The following DISC1 variants were observed in gnomAD, a reference collection of about 807,000 sequenced individuals.
The protein encoded by DISC1 is DISC1 scaffold protein.
A neutral mutation model predicts 84.5 loss-of-function variants in DISC1; 57 were observed. The observed-to-expected ratio is 0.67, with a 90% CI of 0.55 to 0.84. The LOEUF (loss-of-function observed/expected upper bound fraction) is 0.84. DISC1 is among the 40% of genes least tolerant of loss of function. The pLI, the probability that DISC1 is intolerant of heterozygous loss-of-function variation, is 0.00. For missense variants in DISC1, 1,000 were observed against 1,057.8 expected, an observed-to-expected ratio of 0.95 and a Z score of 0.76; for synonymous variants, 411 against 415.2, an observed-to-expected ratio of 0.99 and a Z score of 0.12.
intron 9 of DISC1, among the ~76,000 whole-genome samples, chr1:231,850,388 A>G (rs983943246): frequency 6.6e-6 from 1 of 152,250 alleles, no homozygotes; most frequent in African/African-American, 2.4e-5. Flanking sequence ...TTTGAAAGAC[A>G]TGTCTGTCTG....
intron 1 of DISC1, among the ~76,000 whole-genome samples, chr1:231,690,640 G>A (rs2064884531): frequency 6.6e-6 from 1 of 152,140 alleles, no homozygotes; most frequent in Non-Finnish European, 1.5e-5. Flanking sequence ...TGGTCACAGG[G>A]GATGTCATAA....
At chr1:231,720,989 A>G (rs2069596208) in intron 3 of DISC1, 21 of 1,290,858 alleles carry the variant, frequency 1.6e-5, no homozygotes, top group Non-Finnish European at 2.1e-5. Context: ...GGTGAACAGC[A>G]ACTGTGGATA....
intron 9 of DISC1, among the ~76,000 whole-genome samples, chr1:231,863,959 C>T (rs564242559): frequency 2.0e-5 from 3 of 152,252 alleles, no homozygotes; most frequent in African/African-American, 7.2e-5. Context: ...GCCCTTTGCT[C>T]TTGCACTGGG....
intron 9 of DISC1, among the ~76,000 whole-genome samples, chr1:231,868,812 G>A (rs530983808): frequency 6.7e-6 from 1 of 149,120 alleles, no homozygotes; most frequent in Non-Finnish European, 1.5e-5. Flanking sequence ...TCAAGCTCAG[G>A]AGTTTGAGGC....
chr1:232,012,039 A>G (rs1572630436), intron 11 of DISC1, among the ~76,000 whole-genome samples: 1 of 152,350 alleles, frequency 6.6e-6, no homozygotes, highest in Non-Finnish European at 1.5e-5. Flanking sequence ...AAAAGGATGC[A>G]TCACGAAGTG....
At position 231,961,372 on chromosome 1, in the gene DISC1, C is replaced by A. The variant is rs76029479; in HGVS notation, c.2042+2484C>A. Among the ~76,000 whole-genome samples, 582 of 152,220 alleles carry A rather than the reference C, an allele frequency of 3.8e-3. 5 individuals are homozygous for A. Among genetic ancestry groups the A allele is most frequent in the African/African-American group, 0.013 (556 of 41,522 alleles). On this transcript the variant is annotated intron_variant, in intron 10 of 12. Coordinates refer to ENST00000439617, the MANE Select transcript of DISC1 (RefSeq NM_018662.3). ...GGTAGGTCAGAGAATTTCTTTCCTT[C>A]TTTCTTTTTCATAAGTTCAACTTTT...
At chr1:231,788,129 C>CA (rs1173390601) in intron 6 of DISC1, among the ~76,000 whole-genome samples, 1 of 151,780 alleles carries the variant, frequency 6.6e-6, no homozygotes, top group African/African-American at 2.4e-5. Flanking sequence ...CTAAAAATAC[C>CA]AAAAAAATTA....
chr1:231,724,100 G>T (rs1011005512), intron 3 of DISC1: 5 of 871,612 alleles, frequency 5.7e-6, no homozygotes, highest in Admixed American at 6.2e-5. Flanking sequence ...CCTGCTAATA[G>T]ATTGGACCAG....
intron 9 of DISC1, among the ~76,000 whole-genome samples, chr1:231,915,437 C>T (rs1420386055): frequency 3.3e-5 from 5 of 152,298 alleles, no homozygotes; most frequent in Admixed American, 6.5e-5. Context: ...GCCAGGGCCA[C>T]GGCTAGCTGC....
intron 3 of DISC1, among the ~76,000 whole-genome samples, chr1:231,733,516 ATGG>A (rs1489195588): frequency 2.4e-5 from 2 of 82,022 alleles, no homozygotes; most frequent in African/African-American, 4.1e-5. Context: ...GGTGAGAGTG[ATGG>A]TGGTAGTTGT....
At position 231,880,082 on chromosome 1, in the gene DISC1, C is replaced by A. The variant is rs993510617; in HGVS notation, c.1981+61565C>A. ...AGGTGGTTGGATCATGAGTGCTTTGCTTTTATGAGTGGATTAATCTATTCA... is the reference window on the plus strand; with the variant it reads ...AGGTGGTTGGATCATGAGTGCTTTGATTTTATGAGTGGATTAATCTATTCA... On this transcript the variant is annotated intron_variant, in intron 9 of 12. Transcript: ENST00000439617. Among the ~76,000 whole-genome samples, 34 of 152,152 alleles carry A rather than the reference C, an allele frequency of 2.2e-4. 1 individual carries two copies. The highest frequency in any genetic ancestry group is 2.2e-3 in the Admixed American group (34 of 15,280).
intron 9 of DISC1, among the ~76,000 whole-genome samples, chr1:231,915,472 G>A (rs2089552832): frequency 6.6e-6 from 1 of 152,178 alleles, no homozygotes; most frequent in South Asian, 2.1e-4. Context: ...GATGTATTCT[G>A]GGAAGCTCGG....
chr1:231,709,822 A>C (rs2067575298), intron 3 of DISC1, among the ~76,000 whole-genome samples: 1 of 152,182 alleles, frequency 6.6e-6, no homozygotes, highest in Non-Finnish European at 1.5e-5. Flanking sequence ...GCCTATGAGA[A>C]TCTGTAAGAG....
intron 9 of DISC1, among the ~76,000 whole-genome samples, chr1:231,843,914 C>T (rs2083263000): frequency 6.6e-6 from 1 of 152,088 alleles, no homozygotes; most frequent in South Asian, 2.1e-4. Context: ...TTTGGCTGTT[C>T]TCAGCATATG....
chr1:231,715,396 C>T (rs2068551690), intron 3 of DISC1, among the ~76,000 whole-genome samples: 1 of 152,190 alleles, frequency 6.6e-6, no homozygotes, highest in Non-Finnish European at 1.5e-5. Flanking sequence ...TTCATTTGGT[C>T]AATACAGTCA....
intron 9 of DISC1, among the ~76,000 whole-genome samples, chr1:231,824,018 C>T (rs960530149): frequency 4.6e-5 from 7 of 152,156 alleles, no homozygotes; most frequent in African/African-American, 1.2e-4. Flanking sequence ...AGTTTAAATA[C>T]GGCATCTTCC....
At chr1:231,919,092 A>G (rs982859583) in intron 9 of DISC1, among the ~76,000 whole-genome samples, 12 of 152,192 alleles carry the variant, frequency 7.9e-5, no homozygotes, top group Admixed American at 1.3e-4. Flanking sequence ...GTTTGGTTGC[A>G]CTCAAAGTCT....
At chr1:231,651,058 A>G (rs901837832) in intron 1 of DISC1, among the ~76,000 whole-genome samples, 1 of 152,042 alleles carries the variant, frequency 6.6e-6, no homozygotes, top group South Asian at 2.1e-4. Context: ...TCTGAAGTCT[A>G]CTTGTGTCAG....
chr1:231,817,172 C>T (rs1358619583), intron 8 of DISC1, among the ~76,000 whole-genome samples: 1 of 152,164 alleles, frequency 6.6e-6, no homozygotes, highest in Non-Finnish European at 1.5e-5. Context: ...GCAACCTACA[C>T]CTCCTGGGTT....
Sources: allele counts gnomAD v4.1 joint callset (sites outside exome capture counted in the v4.1 genomes callset), GRCh38; gene constraint gnomAD v4.1.1; transcripts MANE v1.5; gene names NCBI Gene and HGNC (gene_info 2026-07-23, HGNC 2026-07-21).